SPTBN4: variants seen among roughly 807,000 people sequenced by gnomAD.
The protein encoded by SPTBN4 is spectrin beta chain, non-erythrocytic 4.
Under a neutral mutation model 277.8 loss-of-function variants are expected in SPTBN4, and 96 were observed. The ratio of observed to expected loss-of-function variants is 0.35; its 90% CI spans 0.29 to 0.41. The LOEUF is 0.41. Among genes scored for constraint, SPTBN4 ranks in the 10% least tolerant of loss-of-function variants. The pLI is 1.00. For missense variants in SPTBN4, 3,006 were observed against 3,595.7 expected (o/e 0.84, Z 4.19); for synonymous variants, 1,481 against 1,580.3 (o/e 0.94, Z 1.49).
At chr19:40,501,051 C>T (rs1339598085) in intron 7 of SPTBN4, among the ~76,000 whole-genome samples, 1 of 151,964 alleles carries the variant, frequency 6.6e-6, no homozygotes, top group Non-Finnish European at 1.5e-5. Context: ...CAACTATAGA[C>T]AGAGTGAACA....
At chr19:40,557,614 T>G (rs1423059890) in intron 26 of SPTBN4, among the ~76,000 whole-genome samples, 1 of 152,094 alleles carries the variant, frequency 6.6e-6, no homozygotes, top group Non-Finnish European at 1.5e-5. Flanking sequence ...CAGGGAAAAG[T>G]GGTACCTTAG....
chr19:40,472,004 G>T (rs564387522), intron 1 of SPTBN4, among the ~76,000 whole-genome samples: 1 of 148,244 alleles, frequency 6.7e-6, no homozygotes. Context: ...TCCGCCTCCC[G>T]GGTTCAAGCG....
At chr19:40,517,982 A>G (rs1356361259) in intron 15 of SPTBN4, among the ~76,000 whole-genome samples, 1 of 152,202 alleles carries the variant, frequency 6.6e-6, no homozygotes, top group Non-Finnish European at 1.5e-5. Context: ...TAATAAATGG[A>G]CAAGATATTT....
intron 20 of SPTBN4, among the ~76,000 whole-genome samples, chr19:40,540,722 G>A (rs2080790310): frequency 6.7e-6 from 1 of 149,260 alleles, no homozygotes; most frequent in African/African-American, 2.5e-5. Flanking sequence ...GCTGAAGTGG[G>A]AGGATCACTT....
chr19:40,505,419 C>T (rs892597044), intron 12 of SPTBN4, among the ~76,000 whole-genome samples: 6 of 145,134 alleles, frequency 4.1e-5, no homozygotes, highest in Non-Finnish European at 7.5e-5. Context: ...AAGCCGGGCA[C>T]GGTGGCTCAC....
In SPTBN4 at chr19:40,544,440, C is replaced by CTTTTTTTTT. The variant is rs3071333; in HGVS notation, c.4360-4733_4360-4725dup. On this transcript the variant is annotated intron_variant, in intron 20 of 35. Transcript: ENST00000598249. ...TACAGGCATGAGCCATTGTGCCCGG[C>CTTTTTTTTT]TTTTTTTTTTTTTTTTTTTTTTTTG... is the stretch of plus-strand genomic sequence containing the variant. 1.8e-3 allele frequency among the ~76,000 whole-genome samples: 93 copies of CTTTTTTTTT among 51,754 alleles called. 5 individuals carry two copies. Among genetic ancestry groups the CTTTTTTTTT allele is most frequent in the Middle Eastern group, 0.029 (1 of 34 alleles). 34.0% of individuals were successfully genotyped at this position (51,754 alleles called of 152,430 possible). A position where few individuals can be genotyped will look rare whatever the true frequency, so the allele number is the denominator to read the frequency against.
rs752430467 is a variant in SPTBN4, at chr19:40,568,222, G to A, written c.6896G>A (p.Arg2299His). 2.5e-6 allele frequency: 4 copies of A among 1,603,832 alleles called. No individual in the cohort carries two copies. In the East Asian group the frequency reaches 6.8e-5, roughly 27 times the overall value. The change falls in exon 31 of 36, where the codon CGC becomes CAC. Residue 2299 changes from arginine (R) to histidine (H), a missense_variant. Arg to His is a conservative substitution (Grantham distance 29). Transcript: ENST00000598249. ...CGGCGGCGCGAGCGGCGTGAGCGGC[G>A]CTTGGAGCGGCAGGAGTCCAGCGAA... ...MERRRERRERRLERQESSEQE... is the reference protein window; with the variant it reads ...MERRRERRERHLERQESSEQE...
chr19:40,512,537 C>A, intron 13 of SPTBN4, 69 bp from the exon 14 acceptor site: 1 of 1,436,306 alleles, frequency 7.0e-7, no homozygotes, highest in East Asian at 2.9e-5. Context: ...GTAGGTAGCC[C>A]GCACCATCCT....
intron 26 of SPTBN4, among the ~76,000 whole-genome samples, 153 bp downstream of exon 26, chr19:40,557,556 C>T (rs895181163): frequency 6.6e-6 from 1 of 152,140 alleles, no homozygotes; most frequent in African/African-American, 2.4e-5. Context: ...GATAATGGAG[C>T]AGATAGAAAA....
chr19:40,570,609 C>G lies in SPTBN4; in HGVS notation c.7200C>G (p.Ser2400=). 2.1e-6 allele frequency: 3 copies of G among 1,396,310 alleles called. No individual in the cohort carries two copies. The highest frequency in any genetic ancestry group is 3.0e-5 in the East Asian group (1 of 32,848). 86.5% of individuals were successfully genotyped at this position (1,396,310 alleles called of 1,614,324 possible). A position where few individuals can be genotyped will look rare whatever the true frequency, so the allele number is the denominator to read the frequency against. ...GCGGGGGAAGCCGGCGCTCGCGCTC[C>G]GCCCCGGCCCAGGGCGGCTCCGCCC... The part of the protein sequence containing the change: ...GEGGGSRRSR[S]APAQGGSAPA... The change falls in exon 33 of 36, where the codon TCC becomes TCG. Residue 2400 remains serine, a synonymous_variant. Coordinates refer to ENST00000598249, the MANE Select transcript of SPTBN4 (RefSeq NM_020971.3).
chr19:40,529,934 CT>C (rs1419646515), intron 18 of SPTBN4, among the ~76,000 whole-genome samples: 3 of 152,142 alleles, frequency 2.0e-5, no homozygotes, highest in Non-Finnish European at 4.4e-5. Flanking sequence ...CGATTCGACC[CT>C]CCCCCCTATG....
intron 2 of SPTBN4, among the ~76,000 whole-genome samples, chr19:40,473,374 TG>T (rs1222654039): frequency 1.4e-5 from 2 of 146,866 alleles, no homozygotes; most frequent in South Asian, 4.4e-4. Context: ...TTTTTTTTTT[TG>T]AGACGGAGTT....
intron 27 of SPTBN4, among the ~76,000 whole-genome samples, chr19:40,561,345 G>A (rs1408379433): frequency 6.6e-6 from 1 of 152,130 alleles, no homozygotes; most frequent in East Asian, 1.9e-4. Flanking sequence ...GGTGTGGCTA[G>A]GAAGAAAAGG....
chr19:40,475,696 G>A (rs1599707833), intron 2 of SPTBN4, among the ~76,000 whole-genome samples: 3 of 147,960 alleles, frequency 2.0e-5, no homozygotes, highest in South Asian at 2.1e-4. Flanking sequence ...TCCTGGGCTC[G>A]GGCAATCTGC....
In SPTBN4 at chr19:40,554,800, G is replaced by A. The variant is rs1157253861; in HGVS notation, c.5084+154G>A. ...TCGAATTTGGCAAGTGGGCGGGCCG[G>A]AATGGGGGGACACGGCTCAGGGATG... On this transcript the variant is annotated intron_variant, in intron 24 of 35. Transcript: ENST00000598249. This position sits in a 1 kb window ranked among gnomAD's most constrained non-coding sequence, Gnocchi z 5.7. 8.5e-7 allele frequency: 1 copy of A among 1,171,270 alleles called. No homozygotes were observed. The highest frequency in any genetic ancestry group is 1.2e-6 in the Non-Finnish European group (1 of 826,148). The allele number at this position is 1,171,270 out of a possible 1,614,324, so 72.6% of individuals were successfully genotyped here. A position where few individuals can be genotyped will look rare whatever the true frequency, so the allele number is the denominator to read the frequency against.
rs115109305 is a variant in SPTBN4 at position 40,514,947 on chromosome 19, A to G, written c.2766-364A>G. ...TGGTGAAATCCCGTTTCTACTAAAA[A>G]TAGAAAAGTTAGCTGGGCGTGGTGG... On this transcript the variant is annotated intron_variant, in intron 14 of 35. Transcript: ENST00000598249. 2.7e-3 allele frequency among the ~76,000 whole-genome samples: 412 copies of G among 152,032 alleles called. 1 individual carries two copies. The highest frequency in any genetic ancestry group is 9.4e-3 in the African/African-American group (390 of 41,472).
Position 40,519,905 on chromosome 19 carries a change from G to C in SPTBN4, c.3408G>C (p.Lys1136Asn), listed in dbSNP as rs1161345594. The C allele has an allele frequency of 1.9e-6, 3 of 1,547,486 alleles. No homozygotes were observed. The highest frequency in any genetic ancestry group is 2.6e-6 in the Non-Finnish European group (3 of 1,155,020). ...TGCTGGCGCGCCACGCTGCGCTCAAGGAGGAGGTGGACCAGCGCGAGGAAG... is the reference window on the plus strand; with the variant it reads ...TGCTGGCGCGCCACGCTGCGCTCAACGAGGAGGTGGACCAGCGCGAGGAAG... ...DALLARHAALKEEVDQREEDY... is the reference protein window; with the variant it reads ...DALLARHAALNEEVDQREEDY... The change falls in exon 16 of 36, where the codon AAG becomes AAC. Residue 1136 changes from lysine (K) to asparagine (N), a missense_variant. By Grantham distance (94) the Lys-to-Asn change is moderately conservative. Coordinates refer to ENST00000598249, the MANE Select transcript of SPTBN4 (RefSeq NM_020971.3). The surrounding 1 kb of genome is among the most constrained non-coding windows in gnomAD (Gnocchi z 5.7).
At chr19:40,551,993 C>CA (rs751910923) in intron 22 of SPTBN4, among the ~76,000 whole-genome samples, 2,239 of 95,962 alleles carry the variant, frequency 0.023, 34 homozygotes, top group African/African-American at 0.058. Flanking sequence ...GACCCTGTCT[C>CA]AAAAAAAAAA....
chr19:40,535,933 C>T lies in SPTBN4; in HGVS notation c.4359+1590C>T, dbSNP rs142714479. Among the ~76,000 whole-genome samples, 663 of 151,820 alleles carry T rather than the reference C, an allele frequency of 4.4e-3. 7 individuals carry two copies. The highest frequency in any genetic ancestry group is 0.015 in the African/African-American group (641 of 41,396). ...TGAGATTGCATCATTGCACTCCAGC[C>T]TGGGAGACAGAGCGAGACTCCATCT... On this transcript the variant is annotated intron_variant, in intron 20 of 35. Transcript: ENST00000598249.
Sources: gnomAD v4.1 joint callset for allele counts (sites outside exome capture counted in the v4.1 genomes callset) on GRCh38, gnomAD v4.1.1 for gene constraint, Gnocchi (gnomAD v3.1) non-coding constraint, MANE v1.5 for transcripts, NCBI Gene and HGNC (gene_info 2026-07-23, HGNC 2026-07-21) for gene names.